The following LHFPL3 variants were observed in gnomAD, a reference collection of about 807,000 sequenced individuals.
The protein encoded by LHFPL3 is LHFPL tetraspan subfamily member 3 protein.
A neutral mutation model predicts 19.3 loss-of-function variants in LHFPL3; 5 were observed. That is an observed-to-expected ratio of 0.26 (90% CI 0.14 to 0.54). LHFPL3 has a LOEUF of 0.54. Ranked by LOEUF, LHFPL3 falls within the 20% of genes least tolerant of loss-of-function variation. The pLI, the probability that LHFPL3 is intolerant of heterozygous loss-of-function variation, is 0.94. For missense variants in LHFPL3, 249 were observed against 307.4 expected (o/e 0.81, Z 1.42); for synonymous variants, 133 against 126.2 (o/e 1.05, Z -0.36).
intron 2 of LHFPL3, among the ~76,000 whole-genome samples, chr7:104,888,866 T>C (rs1032743530): frequency 1.3e-5 from 2 of 152,162 alleles, no homozygotes; most frequent in Non-Finnish European, 2.9e-5. Context: ...TTTCCGTTAA[T>C]GAATCCACTG....
At chr7:104,866,978 T>G (rs1357298033) in intron 2 of LHFPL3, among the ~76,000 whole-genome samples, 1 of 152,174 alleles carries the variant, frequency 6.6e-6, no homozygotes, top group Admixed American at 6.5e-5. Context: ...GAATGACTAC[T>G]GGGTACATAA....
intron 1 of LHFPL3, among the ~76,000 whole-genome samples, chr7:104,544,837 G>T (rs1794551000): frequency 6.6e-6 from 1 of 152,118 alleles, no homozygotes; most frequent in Non-Finnish European, 1.5e-5. Context: ...ACTAGAAATT[G>T]AGCTGTTACA....
chr7:104,799,133 A>G (rs1411508708), intron 2 of LHFPL3, among the ~76,000 whole-genome samples: 3 of 152,242 alleles, frequency 2.0e-5, no homozygotes, highest in Non-Finnish European at 2.9e-5. Context: ...GCCTAGTGAC[A>G]AGATGTTCAA....
At position 104,510,910 on chromosome 7, in the gene LHFPL3, G is replaced by T. The variant is rs148632959; in HGVS notation, c.445+181686G>T. Among the ~76,000 whole-genome samples the T allele has an allele frequency of 2.6e-5, 4 of 152,248 alleles. 1 individual carries two copies. Among genetic ancestry groups the T allele is most frequent in the African/African-American group, 9.6e-5 (4 of 41,562 alleles). On this transcript the variant is annotated intron_variant, in intron 1 of 2. Coordinates refer to ENST00000424859, the MANE Select transcript of LHFPL3 (RefSeq NM_199000.3). Reference sequence around the variant, plus strand: ...ACCGGGGCCTATCAGAGAGTGGAGGGTGGGAGGAGGAAGAGGATCAGGAAA... The same window carrying T: ...ACCGGGGCCTATCAGAGAGTGGAGGTTGGGAGGAGGAAGAGGATCAGGAAA...
intron 1 of LHFPL3, among the ~76,000 whole-genome samples, chr7:104,642,542 A>G (rs1305974542): frequency 6.6e-6 from 1 of 152,066 alleles, no homozygotes; most frequent in Non-Finnish European, 1.5e-5. Context: ...TCCCCCTTCA[A>G]TTTCTAGAGC....
At chr7:104,335,636 C>G (rs900506301) in intron 1 of LHFPL3, among the ~76,000 whole-genome samples, 3 of 151,966 alleles carry the variant, frequency 2.0e-5, no homozygotes, top group Non-Finnish European at 4.4e-5. Flanking sequence ...CAACAAGTTT[C>G]CCACTGTAAA....
chr7:104,797,419 A>AGCTG (rs2116463980), intron 2 of LHFPL3, among the ~76,000 whole-genome samples: 1 of 151,990 alleles, frequency 6.6e-6, no homozygotes, highest in East Asian at 1.9e-4. Flanking sequence ...CTCCTTAGCT[A>AGCTG]TCTTTAGTTC....
At chr7:104,656,387 CA>C (rs1183450854) in intron 1 of LHFPL3, among the ~76,000 whole-genome samples, 1 of 151,930 alleles carries the variant, frequency 6.6e-6, no homozygotes, top group African/African-American at 2.4e-5. Context: ...GTGGCTCTTT[CA>C]GGGGGAAAAA....
At chr7:104,852,640 C>T (rs1791433117) in intron 2 of LHFPL3, among the ~76,000 whole-genome samples, 1 of 152,250 alleles carries the variant, frequency 6.6e-6, no homozygotes, top group African/African-American at 2.4e-5. Flanking sequence ...GGCCACATGA[C>T]CAGTGCAGTC....
At chr7:104,369,718 G>A (rs959229399) in intron 1 of LHFPL3, among the ~76,000 whole-genome samples, 1 of 152,150 alleles carries the variant, frequency 6.6e-6, no homozygotes, top group Non-Finnish European at 1.5e-5. Flanking sequence ...GATTATAGCA[G>A]TACTTGTAGG....
intron 2 of LHFPL3, among the ~76,000 whole-genome samples, chr7:104,887,864 G>A: frequency 6.6e-6 from 1 of 152,224 alleles, no homozygotes; most frequent in Admixed American, 6.5e-5. Flanking sequence ...GGTCATCTTG[G>A]TTCAGATTGA....
At chr7:104,525,764 G>C (rs113110144) in intron 1 of LHFPL3, among the ~76,000 whole-genome samples, 3 of 151,934 alleles carry the variant, frequency 2.0e-5, no homozygotes, top group Non-Finnish European at 2.9e-5. Context: ...GTACCTCCAC[G>C]CCAGGCTAAT....
At chr7:104,373,873 C>A (rs1790657443) in intron 1 of LHFPL3, among the ~76,000 whole-genome samples, 1 of 152,048 alleles carries the variant, frequency 6.6e-6, no homozygotes, top group African/African-American at 2.4e-5. Flanking sequence ...CTGATTTTCC[C>A]CCATAGAGGA....
At chr7:104,413,199 G>A (rs1791564644) in intron 1 of LHFPL3, among the ~76,000 whole-genome samples, 2 of 152,192 alleles carry the variant, frequency 1.3e-5, no homozygotes, top group Admixed American at 1.3e-4. Context: ...AACTAGCAGA[G>A]TGAGACCCCA....
At chr7:104,819,466 A>G (rs747608988) in intron 2 of LHFPL3, among the ~76,000 whole-genome samples, 21 of 151,756 alleles carry the variant, frequency 1.4e-4, no homozygotes, top group Non-Finnish European at 2.6e-4. Context: ...AAAAATTCTG[A>G]CCCTTGTTTC....
intron 2 of LHFPL3, among the ~76,000 whole-genome samples, 172 bp downstream of exon 2, chr7:104,737,083 A>C (rs144285569): frequency 1.1e-3 from 163 of 152,276 alleles, no homozygotes; most frequent in African/African-American, 3.8e-3. Context: ...AAGCTTACAC[A>C]ATAAAAATAT....
At chr7:104,833,097 AG>A (rs369996754) in intron 2 of LHFPL3, among the ~76,000 whole-genome samples, 2 of 64,100 alleles carry the variant, frequency 3.1e-5, no homozygotes, top group African/African-American at 1.3e-4. Flanking sequence ...TATATATAAT[AG>A]GATATATATA....
intron 1 of LHFPL3, among the ~76,000 whole-genome samples, chr7:104,517,537 ACT>A (rs1358640238): frequency 1.5e-5 from 2 of 129,698 alleles, no homozygotes; most frequent in Non-Finnish European, 3.2e-5. Context: ...ATGGAGTTTC[ACT>A]CTTGTTGCCC....
intron 2 of LHFPL3, among the ~76,000 whole-genome samples, chr7:104,802,061 C>T (rs1790260190): frequency 6.6e-6 from 1 of 152,102 alleles, no homozygotes; most frequent in Non-Finnish European, 1.5e-5. Context: ...TTTCTCTACC[C>T]CTGCTATGTT....
Sources: allele counts gnomAD v4.1 joint callset (sites outside exome capture counted in the v4.1 genomes callset), GRCh38; gene constraint gnomAD v4.1.1; transcripts MANE v1.5; gene names NCBI Gene and HGNC (gene_info 2026-07-23, HGNC 2026-07-21).